Variants in DTL observed in about 807,000 individuals in gnomAD.
DTL encodes denticleless E3 ubiquitin protein ligase adapter, also known as denticleless protein homolog.
A neutral mutation model predicts 87.0 loss-of-function variants in DTL; 46 were observed. That is an observed-to-expected ratio of 0.53 (90% CI 0.42 to 0.68). DTL has a LOEUF of 0.68. DTL is among the 30% of genes least tolerant of loss of function. The probability of loss-of-function intolerance (pLI) is 0.00; values close to 1 mark genes in which losing one functional copy is unlikely to be tolerated. For synonymous variants in DTL, 308 were observed against 311.2 expected (o/e 0.99, Z 0.11); for missense variants, 737 against 869.4 (o/e 0.85, Z 1.91).
chr1:212,068,468 T>C, intron 9 of DTL, 131 bp from the exon 10 acceptor site: 1 of 833,226 alleles, frequency 1.2e-6, no homozygotes, highest in African/African-American at 1.7e-5. Context: ...ATGTTTTTGG[T>C]TTGTGTATAT....
chr1:212,044,565 T>G, intron 2 of DTL, 95 bp from the exon 3 acceptor site: 2 of 705,450 alleles, frequency 2.8e-6, no homozygotes, highest in Non-Finnish European at 2.4e-6. Flanking sequence ...ACTGCACTAT[T>G]GCACTCCAGT....
In DTL at chr1:212,100,966, A is replaced by G. The variant is rs775549580; in HGVS notation, c.1976A>G (p.Asn659Ser). 4 of 1,614,152 alleles carry G rather than the reference A, an allele frequency of 2.5e-6. No individual in the cohort carries two copies. In the Admixed American group the frequency reaches 6.7e-5, roughly 27 times the overall value. ...GGCAAAGAGAATAGTTCCCCAGAGA[A>G]TAAAAACTGGTTGTTGGCCATGGCA... The part of the protein sequence containing the change: ...MVGKENSSPE[N>S]KNWLLAMAAK... Residue 659 changes from asparagine (N) to serine (S), a missense_variant, in exon 14 of 15, where the codon AAT becomes AGT. Physicochemically the swap from Asn to Ser is conservative, Grantham distance 46. Coordinates refer to ENST00000366991, the MANE Select transcript of DTL (RefSeq NM_016448.4).
At chr1:212,085,847 A>C (rs1194942557) in intron 13 of DTL, among the ~76,000 whole-genome samples, 1 of 152,122 alleles carries the variant, frequency 6.6e-6, no homozygotes, top group Admixed American at 6.5e-5. Context: ...TGGATATTTA[A>C]CTTTCTCACC....
Position 212,068,650 on chromosome 1 carries a change from G to T in DTL, c.869G>T (p.Cys290Phe). 1 of 1,613,150 alleles carries T rather than the reference G, an allele frequency of 6.2e-7. No homozygotes were observed. The highest frequency in any genetic ancestry group is 8.5e-7 in the Non-Finnish European group (1 of 1,179,458). Residue 290 changes from cysteine to phenylalanine, a missense_variant, in exon 10 of 15, where the codon TGC becomes TTC. Physicochemically the swap from Cys to Phe is radical, Grantham distance 205 (BLOSUM62 -2). Transcript: ENST00000366991. Reference sequence around the variant, plus strand: ...ACTGGCTCTACTTTATTTGCTAATTGCACAGACGATAACATCTACATGTTT... The same window carrying T: ...ACTGGCTCTACTTTATTTGCTAATTTCACAGACGATAACATCTACATGTTT... The part of the protein sequence containing the change: ...DSTGSTLFAN[C>F]TDDNIYMFNM...
intron 6 of DTL, 94 bp downstream of exon 6, chr1:212,063,043 G>A: frequency 1.1e-6 from 1 of 925,730 alleles, no homozygotes; most frequent in Non-Finnish European, 1.7e-6. Flanking sequence ...ATTACCACCA[G>A]GGGGCATGTA....
chr1:212,085,890 T>C (rs1220988120), intron 13 of DTL, among the ~76,000 whole-genome samples: 1 of 152,236 alleles, frequency 6.6e-6, no homozygotes, highest in African/African-American at 2.4e-5. Flanking sequence ...CTTTAGCCCA[T>C]TGAATCGTCA....
intron 12 of DTL, 78 bp downstream of exon 12, chr1:212,078,340 A>T (rs908740307): frequency 2.2e-6 from 2 of 912,504 alleles, no homozygotes; most frequent in African/African-American, 1.7e-5. Flanking sequence ...TGTTTTGAGA[A>T]TGATATAAAT....
chr1:212,062,828 T>A, intron 5 of DTL, 56 bp from the exon 6 acceptor site: 1 of 1,397,344 alleles, frequency 7.2e-7, no homozygotes, highest in African/African-American at 1.4e-5. Context: ...AACTGAAATA[T>A]ATGTGTCATT....
At chr1:212,067,666 G>A (rs575013763) in intron 8 of DTL, among the ~76,000 whole-genome samples, 1 of 152,276 alleles carries the variant, frequency 6.6e-6, no homozygotes, top group Admixed American at 6.5e-5. Context: ...GACTGTGAAA[G>A]CTTGCTCTGT....
chr1:212,082,276 G>A (rs1655009498), intron 13 of DTL, among the ~76,000 whole-genome samples: 1 of 152,180 alleles, frequency 6.6e-6, no homozygotes, highest in Admixed American at 6.5e-5. Context: ...GTGGTATGAT[G>A]GTGGCCTGAT....
chr1:212,087,772 T>C (rs1364624494), intron 13 of DTL, among the ~76,000 whole-genome samples: 1 of 152,216 alleles, frequency 6.6e-6, no homozygotes, highest in East Asian at 1.9e-4. Flanking sequence ...CATTGCCATC[T>C]TGAAAATCAT....
intron 5 of DTL, among the ~76,000 whole-genome samples, chr1:212,049,827 C>CACAA (rs945299827): frequency 1.1e-4 from 16 of 151,820 alleles, no homozygotes; most frequent in African/African-American, 3.6e-4. Context: ...AATACCTAGT[C>CACAA]TATTTAGGTC....
intron 14 of DTL, among the ~76,000 whole-genome samples, chr1:212,101,327 T>C (rs1204484305): frequency 6.6e-6 from 1 of 152,220 alleles, no homozygotes; most frequent in African/African-American, 2.4e-5. Flanking sequence ...ATGTGCTGTA[T>C]TTTATCTGGC....
rs749817370 is a variant in DTL, at chr1:212,102,824, T to C, written c.2095-18T>C. The C allele has an allele frequency of 6.4e-7, 1 of 1,558,720 alleles. No homozygotes were observed. The highest frequency in any genetic ancestry group is 8.8e-7 in the Non-Finnish European group (1 of 1,132,516). ...GAACTTCAAGGAAATCTCTGAAATC[T>C]AAACTTTCTTCTTCTAGGTCACCAT... On this transcript the variant is annotated intron_variant, in intron 14 of 14. Transcript: ENST00000366991.
At chr1:212,040,165 A>C (rs1265716657) in intron 1 of DTL, among the ~76,000 whole-genome samples, 1 of 152,118 alleles carries the variant, frequency 6.6e-6, no homozygotes, top group Non-Finnish European at 1.5e-5. Flanking sequence ...TTATTCTATA[A>C]GTTTTTTTAT....
intron 5 of DTL, among the ~76,000 whole-genome samples, chr1:212,059,265 T>C (rs537587036): frequency 1.3e-5 from 2 of 150,930 alleles, no homozygotes; most frequent in Non-Finnish European, 3.0e-5. Flanking sequence ...GCAAAAATCC[T>C]CAACAGAATA....
chr1:212,072,450 A>G (rs2251398), intron 11 of DTL, among the ~76,000 whole-genome samples: 59,969 of 151,926 alleles, frequency 0.39, 12,339 homozygotes, highest in East Asian at 0.59. Flanking sequence ...TCTGTTTCAA[A>G]AATTATTAGG....
chr1:212,049,945 C>T (rs1203748225), intron 5 of DTL, among the ~76,000 whole-genome samples: 1 of 151,646 alleles, frequency 6.6e-6, no homozygotes, highest in African/African-American at 2.4e-5. Context: ...ACTTGGGAGG[C>T]TGAGAAGGAT....
At chr1:212,093,458 T>C (rs922540312) in intron 13 of DTL, among the ~76,000 whole-genome samples, 1 of 152,212 alleles carries the variant, frequency 6.6e-6, no homozygotes, top group Non-Finnish European at 1.5e-5. Flanking sequence ...CTTGGAGAAT[T>C]TGAGTGCAAG....
Sources: gnomAD v4.1 joint callset for allele counts (sites outside exome capture counted in the v4.1 genomes callset) on GRCh38, gnomAD v4.1.1 for gene constraint, MANE v1.5 for transcripts, NCBI Gene and HGNC (gene_info 2026-07-23, HGNC 2026-07-21) for gene names.